Variants in TENM2 observed in about 807,000 individuals in gnomAD.
The protein encoded by TENM2 is teneurin transmembrane protein 2.
A neutral mutation model predicts 245.2 loss-of-function variants in TENM2; 52 were observed. The ratio of observed to expected loss-of-function variants is 0.21; its 90% CI spans 0.17 to 0.27. The LOEUF (loss-of-function observed/expected upper bound fraction) is 0.27, where lower values mean the gene tolerates loss of function less well. Among genes scored for constraint, TENM2 ranks in the 10% least tolerant of loss-of-function variants. The pLI is 1.00. For missense variants in TENM2, 3,046 were observed against 3,666.8 expected (o/e 0.83, Z 4.37); for synonymous variants, 1,363 against 1,438.9 (o/e 0.95, Z 1.19).
the TENM2 span, among the ~76,000 whole-genome samples, chr5:167,131,633 T>C: frequency 1.3e-5 from 2 of 152,020 alleles, no homozygotes; most frequent in Non-Finnish European, 1.5e-5. Flanking sequence ...TCTCAACCAA[T>C]AGATAAATAA....
At chr5:167,410,550 A>G (rs1411991178) in intron 2 of TENM2, among the ~76,000 whole-genome samples, 1 of 115,530 alleles carries the variant, frequency 8.7e-6, no homozygotes, top group Non-Finnish European at 2.0e-5. Context: ...TGTCTTACAA[A>G]AGAAAAAAAA....
At chr5:167,617,293 A>C (rs1777855118) in intron 2 of TENM2, among the ~76,000 whole-genome samples, 1 of 152,186 alleles carries the variant, frequency 6.6e-6, no homozygotes, top group Admixed American at 6.5e-5. Flanking sequence ...AAATTCCAGT[A>C]AAGTCTGTGG....
intron 19 of TENM2, among the ~76,000 whole-genome samples, chr5:168,206,126 C>G (rs907365487): frequency 4.6e-5 from 7 of 152,232 alleles, no homozygotes; most frequent in African/African-American, 1.7e-4. Flanking sequence ...ATGATGGCAT[C>G]TTCTGAAGCA....
intron 19 of TENM2, 102 bp from the exon 22 acceptor site, chr5:168,211,632 T>C: frequency 1.4e-6 from 1 of 714,292 alleles, no homozygotes; most frequent in East Asian, 3.0e-5. Context: ...CTGCCTTTTT[T>C]GGGCCCCTTT....
At chr5:168,202,680 A>G (rs1423188083) in intron 17 of TENM2, among the ~76,000 whole-genome samples, 1 of 151,600 alleles carries the variant, frequency 6.6e-6, no homozygotes, top group Non-Finnish European at 1.5e-5. Context: ...GTTTCTTGGC[A>G]TTTTCAGAGG....
intron 2 of TENM2, among the ~76,000 whole-genome samples, chr5:167,424,846 T>C (rs2127430466): frequency 6.6e-6 from 1 of 152,160 alleles, no homozygotes; most frequent in Non-Finnish European, 1.5e-5. Context: ...AGGTTTGGGG[T>C]TTTTTCTAAC....
At chr5:167,761,747 G>A (rs7711527) in intron 2 of TENM2, among the ~76,000 whole-genome samples, 12,352 of 152,130 alleles carry the variant, frequency 0.081, 655 homozygotes, top group African/African-American at 0.15. Context: ...CCCTCCAAGG[G>A]AACTGGAATT....
chr5:167,613,705 A>G (rs1209720321), intron 2 of TENM2, among the ~76,000 whole-genome samples: 1 of 152,118 alleles, frequency 6.6e-6, no homozygotes, highest in Non-Finnish European at 1.5e-5. Context: ...GGTTTTTAAA[A>G]CATATACATC....
At chr5:167,279,372 G>C in the TENM2 span, among the ~76,000 whole-genome samples, 3 of 152,010 alleles carry the variant, frequency 2.0e-5, no homozygotes, top group South Asian at 4.2e-4. Context: ...TCTCCTCCTG[G>C]GACTCTGATG....
rs532928430 is a variant in TENM2 at position 167,956,646 on chromosome 5, A to C, written c.947+3824A>C. Among the ~76,000 whole-genome samples, 16 of 152,312 alleles carry C rather than the reference A, an allele frequency of 1.1e-4. No individual in the cohort carries two copies. The South Asian group carries it at 3.1e-3, about 30-fold the overall frequency. ...CTCTTATTATTTTGAGATATGTTTCATCAATACCTAGTTTATTGAGAGTTT... is the reference window on the plus strand; with the variant it reads ...CTCTTATTATTTTGAGATATGTTTCCTCAATACCTAGTTTATTGAGAGTTT... On this transcript the variant is annotated intron_variant, in intron 4 of 28. Coordinates refer to ENST00000518659, the Ensembl canonical transcript of TENM2.
chr5:168,111,639 T>C (rs1794676841), intron 9 of TENM2, among the ~76,000 whole-genome samples: 1 of 152,128 alleles, frequency 6.6e-6, no homozygotes, highest in African/African-American at 2.4e-5. Context: ...ACTTCCTGCT[T>C]GGGCACGGTG....
At position 168,090,777 on chromosome 5, in the gene TENM2, T is replaced by C. The variant is rs919991709; in HGVS notation, c.1711+8T>C. 5 of 1,611,124 alleles carry C rather than the reference T, an allele frequency of 3.1e-6. No individual in the cohort carries two copies. The highest frequency in any genetic ancestry group is 4.2e-6 in the Non-Finnish European group (5 of 1,177,690). The stretch of plus-strand genomic sequence containing the variant: ...TCAATACTGTTGTCCTAGGTAGGTG[T>C]GGGGTCTCTGAGATGGTACGCCATG... On this transcript the variant is annotated splice_region_variant and intron_variant, in intron 8 of 28. Coordinates refer to ENST00000518659, the Ensembl canonical transcript of TENM2.
chr5:167,850,038 AG>A (rs1394229169), intron 2 of TENM2, among the ~76,000 whole-genome samples: 1 of 152,180 alleles, frequency 6.6e-6, no homozygotes, highest in Non-Finnish European at 1.5e-5. Context: ...TCCTCGCTGG[AG>A]GATGGGCTGA....
intron 12 of TENM2, among the ~76,000 whole-genome samples, chr5:168,144,419 G>A (rs1755857701): frequency 1.3e-5 from 2 of 151,872 alleles, no homozygotes; most frequent in Non-Finnish European, 2.9e-5. Context: ...CTGTAAGTGA[G>A]AATATGTGGT....
the TENM2 span, among the ~76,000 whole-genome samples, chr5:167,099,522 C>G: frequency 6.6e-6 from 1 of 152,018 alleles, no homozygotes; most frequent in Non-Finnish European, 1.5e-5. Context: ...ATGGTGAAAC[C>G]CTGTCTCTAC....
intron 2 of TENM2, among the ~76,000 whole-genome samples, chr5:167,617,438 A>G (rs1007508178): frequency 1.3e-5 from 2 of 152,172 alleles, no homozygotes; most frequent in Admixed American, 1.3e-4. Context: ...TGTGTATCTT[A>G]AATTACTTCA....
At chr5:167,195,015 A>C in the TENM2 span, among the ~76,000 whole-genome samples, 1 of 152,022 alleles carries the variant, frequency 6.6e-6, no homozygotes, top group East Asian at 1.9e-4. Flanking sequence ...AGAGAATACT[A>C]GCTAGTCCGT....
chr5:167,278,633 A>G, the TENM2 span, among the ~76,000 whole-genome samples: 1 of 152,088 alleles, frequency 6.6e-6, no homozygotes, highest in East Asian at 1.9e-4. Flanking sequence ...GTACATACGT[A>G]TCTTATCACA....
chr5:167,896,431 T>C (rs1243518815), intron 3 of TENM2, among the ~76,000 whole-genome samples: 2 of 152,168 alleles, frequency 1.3e-5, no homozygotes, highest in Non-Finnish European at 2.9e-5. Flanking sequence ...TACACAAAAG[T>C]CAGAGCAATG....
Sources: allele counts gnomAD v4.1 joint callset (sites outside exome capture counted in the v4.1 genomes callset), GRCh38; gene constraint gnomAD v4.1.1; transcripts MANE v1.5; gene names NCBI Gene and HGNC (gene_info 2026-07-23, HGNC 2026-07-21).